CIP2A: variants seen among roughly 807,000 people sequenced by gnomAD.
The protein encoded by CIP2A is protein CIP2A.
CIP2A carries 103 observed loss-of-function variants against 110.9 expected under a neutral mutation model. The observed-to-expected ratio is 0.93, with a 90% CI of 0.79 to 1.09. CIP2A has a LOEUF of 1.09. Among genes scored for constraint, CIP2A ranks in the 50% least tolerant of loss-of-function variants. The probability of loss-of-function intolerance (pLI) is 0.00; values close to 1 mark genes in which losing one functional copy is unlikely to be tolerated. For synonymous variants in CIP2A, 381 were observed against 361.6 expected (o/e 1.05, Z -0.61); for missense variants, 1,088 against 1,038.4 (o/e 1.05, Z -0.66).
chr3:108,553,835 A>ATG, intron 18 of CIP2A, 105 bp from the exon 19 acceptor site: 1 of 646,348 alleles, frequency 1.5e-6, no homozygotes, highest in Non-Finnish European at 2.3e-6. Flanking sequence ...GGCAGATCAC[A>ATG]AGGTCAGGAG....
intron 9 of CIP2A, 37 bp downstream of exon 9, chr3:108,569,352 A>C: frequency 6.7e-7 from 1 of 1,484,142 alleles, no homozygotes; most frequent in Non-Finnish European, 9.4e-7. Flanking sequence ...TGAGAGTCAC[A>C]AAAGTAGAAA....
chr3:108,554,544 G>T, intron 17 of CIP2A, 55 bp from the exon 18 acceptor site: 1 of 727,040 alleles, frequency 1.4e-6, no homozygotes, highest in Non-Finnish European at 2.3e-6. Flanking sequence ...ATATGAAGGA[G>T]AAAAGAAGCT....
intron 5 of CIP2A, among the ~76,000 whole-genome samples, chr3:108,580,693 A>T (rs982231583): frequency 3.0e-4 from 46 of 151,540 alleles, no homozygotes; most frequent in Admixed American, 3.0e-3. Flanking sequence ...CAGTGGCGCG[A>T]TCTCAGCTCA....
intron 1 of CIP2A, among the ~76,000 whole-genome samples, chr3:108,585,418 A>G (rs1939012947): frequency 6.6e-6 from 1 of 152,102 alleles, no homozygotes; most frequent in Non-Finnish European, 1.5e-5. Context: ...AATCATTTGG[A>G]TCTCAGTTTA....
chr3:108,561,282 A>G (rs1429877435), intron 13 of CIP2A, among the ~76,000 whole-genome samples: 1 of 152,116 alleles, frequency 6.6e-6, no homozygotes, highest in Non-Finnish European at 1.5e-5. Flanking sequence ...TCAGGCCTTC[A>G]TATGAGCTGT....
chr3:108,572,049 C>T lies in CIP2A; in HGVS notation c.895-2442G>A, dbSNP rs931165663. On this transcript the variant is annotated intron_variant, in intron 8 of 20. Transcript: ENST00000295746. ...GTATCTGTTCGGCTCTGTGTTTTTT[C>T]GGATATATACATACAATGTAGAAAA... Among the ~76,000 whole-genome samples, 17 of 151,860 alleles carry T rather than the reference C, an allele frequency of 1.1e-4. 1 individual carries two copies. Among genetic ancestry groups the T allele is most frequent in the African/African-American group, 3.1e-4 (13 of 41,344 alleles).
In CIP2A at chr3:108,557,268, C is replaced by A. The variant is rs374843869; in HGVS notation, c.2160G>T (p.Val720=). 2.7e-4 allele frequency: 436 copies of A among 1,607,602 alleles called. No individual in the cohort carries two copies. Among genetic ancestry groups the A allele is most frequent in the Admixed American group, 5.7e-4 (34 of 59,574 alleles). The change falls in exon 17 of 21, where the codon GTG becomes GTT. Residue 720 remains valine (V), a synonymous_variant. Transcript: ENST00000295746. ...LFQHNRKLES[V]AEEHEILTKS... is the part of the protein sequence containing the mutation. ...TTGTCAGTATTTCATGTTCTTCAGC[C>A]ACAGACTCTAACTTCCTATTATGTT...
At chr3:108,588,620 A>G (rs970103722) in intron 1 of CIP2A, among the ~76,000 whole-genome samples, 3 of 152,226 alleles carry the variant, frequency 2.0e-5, no homozygotes, top group Admixed American at 1.3e-4. Context: ...TGTTAGTTTG[A>G]ATTCCGTAAA....
At chr3:108,575,316 GCATGTACACACACGTGTATA>G (rs2107351103) in intron 8 of CIP2A, among the ~76,000 whole-genome samples, 1 of 145,818 alleles carries the variant, frequency 6.9e-6, no homozygotes, top group African/African-American at 2.7e-5. Flanking sequence ...ACACACACGT[GCATGTACACACACGTGTATA>G]TATACATATA....
chr3:108,556,275 A>G (rs1160987159), intron 17 of CIP2A, among the ~76,000 whole-genome samples: 3 of 152,210 alleles, frequency 2.0e-5, no homozygotes, highest in African/African-American at 7.2e-5. Flanking sequence ...TGTATTAACA[A>G]CATAGAACAA....
intron 17 of CIP2A, among the ~76,000 whole-genome samples, chr3:108,556,026 T>C (rs1937791653): frequency 6.6e-6 from 1 of 152,114 alleles, no homozygotes; most frequent in Non-Finnish European, 1.5e-5. Flanking sequence ...ATGGAACCCA[T>C]TTCAGTTCTA....
In CIP2A at chr3:108,579,669, T is replaced by C. The variant is rs760360899; in HGVS notation, c.569A>G (p.Tyr190Cys). ...IKTLSNVKSF[Y>C]RTLITLLAHS... ...GGCCAACAAGGTGATAAGAGTTCGA[T>C]AAAAAGATTTCACATTACTCTGAGG... Residue 190 changes from tyrosine (Y) to cysteine (C), a missense_variant, in exon 6 of 21, where the codon TAT (tyrosine) becomes TGT (cysteine). Transcript: ENST00000295746. The C allele has an allele frequency of 6.4e-7, 1 of 1,571,346 alleles. No homozygotes were observed. Among genetic ancestry groups the C allele is most frequent in the Non-Finnish European group, 8.6e-7 (1 of 1,163,530 alleles).
chr3:108,581,497 T>C lies in CIP2A; in HGVS notation c.467A>G (p.Asp156Gly). The C allele has an allele frequency of 2.5e-6, 4 of 1,608,264 alleles. 1 individual carries two copies. The South Asian group carries it at 3.3e-5, about 13-fold the overall frequency. The change falls in exon 5 of 21, where the codon GAT (aspartate) becomes GGT (glycine). Residue 156 changes from aspartate (D) to glycine (G), a missense_variant. Physicochemically the swap from Asp to Gly is moderately conservative, Grantham distance 94 (BLOSUM62 -1). Transcript: ENST00000295746. ...TCCTAGACAAGGCATTTTTAACTCA[T>C]CTTCAGAAGATTGACTGTTGTTTTA... Reference protein sequence around the residue: ...FLIDHIQSSEDELKMPCLGLL... With the variant: ...FLIDHIQSSEGELKMPCLGLL...
intron 5 of CIP2A, among the ~76,000 whole-genome samples, chr3:108,580,590 C>G (rs567195071): frequency 4.6e-5 from 7 of 151,616 alleles, no homozygotes; most frequent in Non-Finnish European, 7.4e-5. Flanking sequence ...AATTGTTCAC[C>G]AAGCACCTTA....
chr3:108,560,789 G>C lies in CIP2A; in HGVS notation c.1687C>G (p.His563Asp). 1.2e-6 allele frequency: 2 copies of C among 1,612,674 alleles called. No individual in the cohort carries two copies. The highest frequency in any genetic ancestry group is 1.7e-6 in the Non-Finnish European group (2 of 1,179,278). Residue 563 changes from histidine to aspartate, a missense_variant, in exon 14 of 21, where the codon CAT becomes GAT. Physicochemically the swap from His to Asp is moderately conservative, Grantham distance 81. Transcript: ENST00000295746. ...NNAYRQQETEHIPRKMPWQSS... is the reference protein window; with the variant it reads ...NNAYRQQETEDIPRKMPWQSS... The stretch of plus-strand genomic sequence containing the variant: ...TGCCAGGGCATTTTTCTGGGTATAT[G>C]TTCTGTTTCCTGTTGTCTATAGGCA...
intron 8 of CIP2A, among the ~76,000 whole-genome samples, chr3:108,572,606 T>C (rs1272598325): frequency 6.6e-6 from 1 of 152,070 alleles, no homozygotes; most frequent in Non-Finnish European, 1.5e-5. Flanking sequence ...AAAAATCAGT[T>C]AATAGCATCA....
chr3:108,563,702 A>G (rs1938085538), intron 12 of CIP2A, among the ~76,000 whole-genome samples: 2 of 152,112 alleles, frequency 1.3e-5, no homozygotes, highest in Non-Finnish European at 2.9e-5. Context: ...TACTTCAATC[A>G]TTTATGTCAG....
chr3:108,581,289 TG>T (rs1938867870), intron 5 of CIP2A, 125 bp downstream of exon 5: 1 of 650,626 alleles, frequency 1.5e-6, no homozygotes, highest in Admixed American at 2.9e-5. Context: ...TTAATTTTGA[TG>T]GGTCATCCGA....
intron 13 of CIP2A, 101 bp downstream of exon 13, chr3:108,563,025 T>C: frequency 1.4e-6 from 1 of 694,822 alleles, no homozygotes; most frequent in South Asian, 2.0e-5. Flanking sequence ...AATGAAGTCT[T>C]CAATTCACTA....
Sources: gnomAD v4.1 joint callset for allele counts (sites outside exome capture counted in the v4.1 genomes callset) on GRCh38, gnomAD v4.1.1 for gene constraint, MANE v1.5 for transcripts, NCBI Gene and HGNC (gene_info 2026-07-23, HGNC 2026-07-21) for gene names.